The following KANK1 variants were observed in gnomAD, a reference collection of about 807,000 sequenced individuals.
KANK1 encodes KN motif and ankyrin repeat domains 1, also known as KN motif and ankyrin repeat domain-containing protein 1.
In KANK1, 109 loss-of-function variants were observed where a neutral mutation model predicts 106.2. That is an observed-to-expected ratio of 1.03 (90% CI 0.88 to 1.20). The LOEUF (loss-of-function observed/expected upper bound fraction) is 1.20. Among genes scored for constraint, KANK1 ranks in the 50% most tolerant of loss-of-function variants. KANK1 has a pLI of 0.00. For missense variants in KANK1, 2,399 were observed against 1,710.7 expected (o/e 1.40, Z -7.10); for synonymous variants, 873 against 652.2 (o/e 1.34, Z -5.16).
chr9:493,976 G>A (rs7029275), intron 3 of KANK1, among the ~76,000 whole-genome samples: 44,761 of 151,392 alleles, frequency 0.3, 12,631 homozygotes, highest in African/African-American at 0.73. Context: ...TACACCTCCC[G>A]GGTTCAAGCG....
chr9:666,042 G>A (rs181698706), intron 1 of KANK1, among the ~76,000 whole-genome samples: 10 of 152,184 alleles, frequency 6.6e-5, no homozygotes, highest in African/African-American at 2.2e-4. Flanking sequence ...TTAGCCAGAC[G>A]TGGTGGCATG....
At chr9:678,797 A>T (rs1435045059) in intron 2 of KANK1, among the ~76,000 whole-genome samples, 2 of 152,148 alleles carry the variant, frequency 1.3e-5, no homozygotes, top group Admixed American at 6.5e-5. Flanking sequence ...AGATTGAAAC[A>T]TTATGAAATT....
Position 693,836 on chromosome 9 carries a change from G to A in KANK1, c.37+16827G>A, listed in dbSNP as rs1282140353. ...AAGAGAGGAGGAGAGCATGATGTTT[G>A]GGTGGGGGTTGGTGAAATATAAACT... On this transcript the variant is annotated intron_variant, in intron 2 of 11. Coordinates refer to ENST00000382297, the MANE Select transcript of KANK1 (RefSeq NM_015158.5). The A allele has an allele frequency of 3.1e-6, 3 of 983,074 alleles. No individual in the cohort carries two copies. The East Asian group carries it at 3.4e-4, about 112-fold the overall frequency. 60.9% of individuals were successfully genotyped at this position (983,074 alleles called of 1,614,324 possible). A position where few individuals can be genotyped will look rare whatever the true frequency, so the allele number is the denominator to read the frequency against.
At position 640,209 on chromosome 9, in the gene KANK1, G is replaced by A. The variant is rs192290400; in HGVS notation, c.-83-36681G>A. 3.5e-4 allele frequency among the ~76,000 whole-genome samples: 54 copies of A among 152,202 alleles called. No homozygotes were observed. The East Asian group carries it at 8.7e-3, about 24-fold the overall frequency. On this transcript the variant is annotated intron_variant, in intron 1 of 11. Coordinates refer to ENST00000382297, the MANE Select transcript of KANK1 (RefSeq NM_015158.5). ...CAGGCAGGGGTAGTCCATCTGAATG[G>A]AAACTCCTTTTTGGGGGGCACACAT...
chr9:660,138 C>T, intron 1 of KANK1: 3 of 354,966 alleles, frequency 8.5e-6, no homozygotes, highest in South Asian at 5.5e-5. Context: ...CAAGGGACTG[C>T]TGATGATTAT....
chr9:498,525 C>T (rs139772803), intron 3 of KANK1, among the ~76,000 whole-genome samples: 5 of 152,302 alleles, frequency 3.3e-5, no homozygotes, highest in Non-Finnish European at 5.9e-5. Flanking sequence ...TATTTTAAAT[C>T]ATATATCAGA....
chr9:552,170 T>C (rs2061323243), intron 1 of KANK1, among the ~76,000 whole-genome samples: 1 of 152,178 alleles, frequency 6.6e-6, no homozygotes, highest in Non-Finnish European at 1.5e-5. Flanking sequence ...TGTGTGAAGA[T>C]TGGCAGCGGG....
chr9:495,423 C>T (rs2058442266), intron 3 of KANK1: 1 of 152,168 alleles, frequency 6.6e-6, no homozygotes. Context: ...AGCCATCGTG[C>T]CTCCAACTTA....
At position 696,006 on chromosome 9, in the gene KANK1, T is replaced by C. The variant is rs558107535; in HGVS notation, c.38-14798T>C. Among the ~76,000 whole-genome samples, 124 of 152,210 alleles carry C rather than the reference T, an allele frequency of 8.1e-4. 1 individual carries two copies. The highest frequency in any genetic ancestry group is 2.8e-3 in the African/African-American group (116 of 41,526). On this transcript the variant is annotated intron_variant, in intron 2 of 11. Coordinates refer to ENST00000382297, the MANE Select transcript of KANK1 (RefSeq NM_015158.5). ...TGAGGAATACAAACATAAATACTGC[T>C]TGAGGGCCAGGCGCGGTGGCTCATG...
Position 742,421 on chromosome 9 carries a change from TGGGCCTCCTGGCCAGGGGTCTGG to T in KANK1, c.3897+20_3897+42del. 6.3e-7 allele frequency: 1 copy of T among 1,598,066 alleles called. No individual in the cohort carries two copies. The highest frequency in any genetic ancestry group is 8.5e-7 in the Non-Finnish European group (1 of 1,169,614). ...AGAGGACAACGTAAGCTGTCTCCAT[TGGGCCTCCTGGCCAGGGGTCTGG>T]GGGACTCTGGACGGGAGCTCTGGGA... On this transcript the variant is annotated intron_variant, in intron 10 of 11. Transcript: ENST00000382297.
intron 3 of KANK1, among the ~76,000 whole-genome samples, chr9:727,975 C>T (rs1225138441): frequency 6.6e-6 from 1 of 151,988 alleles, no homozygotes. Flanking sequence ...GTCAAACATG[C>T]CTCATTATAC....
At chr9:514,023 A>C (rs2059148883) in intron 1 of KANK1, among the ~76,000 whole-genome samples, 1 of 149,876 alleles carries the variant, frequency 6.7e-6, no homozygotes, top group South Asian at 2.1e-4. Context: ...TCTCGAACAA[A>C]AGTTGAAATG....
chr9:479,657 T>C (rs2058168531), intron 3 of KANK1, among the ~76,000 whole-genome samples: 1 of 152,192 alleles, frequency 6.6e-6, no homozygotes, highest in African/African-American at 2.4e-5. Flanking sequence ...AATAGTCACA[T>C]AGGATAAGAA....
At chr9:546,458 C>G (rs1032093324) in intron 1 of KANK1, among the ~76,000 whole-genome samples, 3 of 152,030 alleles carry the variant, frequency 2.0e-5, no homozygotes, top group Non-Finnish European at 4.4e-5. Context: ...CTTTCAGGCT[C>G]ATGGGAAAAG....
intron 1 of KANK1, among the ~76,000 whole-genome samples, chr9:532,311 G>A (rs1274815254): frequency 7.1e-6 from 1 of 140,968 alleles, no homozygotes; most frequent in East Asian, 2.0e-4. Flanking sequence ...GCACCATCTC[G>A]GCTCACCGCA....
intron 1 of KANK1, among the ~76,000 whole-genome samples, chr9:568,954 T>C (rs564372493): frequency 2.0e-3 from 301 of 152,308 alleles, no homozygotes; most frequent in African/African-American, 6.9e-3. Flanking sequence ...TCGGGGTATA[T>C]TTGAGTATGT....
intron 7 of KANK1, among the ~76,000 whole-genome samples, chr9:737,969 T>C (rs1834241305): frequency 6.6e-6 from 1 of 152,214 alleles, no homozygotes; most frequent in Admixed American, 6.5e-5. Context: ...GGAAGCAGAA[T>C]AACTTCCCTC....
At chr9:602,388 T>C (rs1234218285) in intron 1 of KANK1, among the ~76,000 whole-genome samples, 1 of 151,664 alleles carries the variant, frequency 6.6e-6, no homozygotes, top group Non-Finnish European at 1.5e-5. Context: ...GCCTCCCAAG[T>C]AGCTGGGACT....
At chr9:722,546 G>C (rs1829625146) in intron 3 of KANK1, among the ~76,000 whole-genome samples, 1 of 152,162 alleles carries the variant, frequency 6.6e-6, no homozygotes. Context: ...GCAGTCATTT[G>C]TCAGTCTTAC....
Sources: gnomAD v4.1 joint callset for allele counts (sites outside exome capture counted in the v4.1 genomes callset) on GRCh38, gnomAD v4.1.1 for gene constraint, MANE v1.5 for transcripts, NCBI Gene and HGNC (gene_info 2026-07-23, HGNC 2026-07-21) for gene names.